AFAP1L1: variants seen among roughly 807,000 people sequenced by gnomAD.
The protein encoded by AFAP1L1 is actin filament-associated protein 1-like 1.
A neutral mutation model predicts 99.8 loss-of-function variants in AFAP1L1; 77 were observed. The observed-to-expected ratio is 0.77, with a 90% CI of 0.64 to 0.93. The LOEUF is 0.93. Among genes scored for constraint, AFAP1L1 ranks in the 40% least tolerant of loss-of-function variants. The probability of loss-of-function intolerance (pLI) is 0.00; values close to 1 mark genes in which losing one functional copy is unlikely to be tolerated. For synonymous variants in AFAP1L1, 373 were observed against 395.3 expected, an observed-to-expected ratio of 0.94 and a Z score of 0.67; for missense variants, 893 against 996.8, an observed-to-expected ratio of 0.90 and a Z score of 1.40.
intron 8 of AFAP1L1, 62 bp downstream of exon 8, chr5:149,310,197 C>A: frequency 6.7e-7 from 1 of 1,486,916 alleles, no homozygotes; most frequent in East Asian, 2.4e-5. Context: ...CAAGCCAGCC[C>A]TCAGTAGAGC....
intron 1 of AFAP1L1, among the ~76,000 whole-genome samples, chr5:149,284,185 G>C (rs78117649): frequency 0.051 from 7,712 of 152,306 alleles, 223 homozygotes; most frequent in Middle Eastern, 0.082. Context: ...GGGCCTCCAT[G>C]TCCTTCCAAA....
rs1345651321 is a variant in AFAP1L1 at position 149,341,612 on chromosome 5, C to T, written c.*1582C>T. 6.6e-6 allele frequency: 1 copy of T among 152,188 alleles called. No individual in the cohort carries two copies. Among genetic ancestry groups the T allele is most frequent in the Admixed American group, 6.5e-5 (1 of 15,274 alleles). 9.4% of individuals were successfully genotyped at this position (152,188 alleles called of 1,614,324 possible). A position where few individuals can be genotyped will look rare whatever the true frequency, so the allele number is the denominator to read the frequency against. ...CTCAGTCAATAGTGGCTCTCATTAG[C>T]CAGGCATGGTGGTACTCGCCTGTAG... On this transcript the variant is annotated 3_prime_UTR_variant, in exon 19 of 19. Coordinates refer to ENST00000296721, the MANE Select transcript of AFAP1L1 (RefSeq NM_152406.4).
chr5:149,283,415 AT>A (rs1341214485), intron 1 of AFAP1L1, among the ~76,000 whole-genome samples: 7 of 151,906 alleles, frequency 4.6e-5, no homozygotes, highest in East Asian at 1.9e-4. Context: ...GTTTTGGAGA[AT>A]TTTTTTTTCT....
intron 1 of AFAP1L1, among the ~76,000 whole-genome samples, chr5:149,291,503 C>T (rs569131667): frequency 1.8e-5 from 2 of 110,802 alleles, no homozygotes; most frequent in Non-Finnish European, 3.3e-5. Context: ...TCCAGCCGGA[C>T]AACAGAGCGT....
rs758979101 is a variant in AFAP1L1 at position 149,332,764 on chromosome 5, G to A, written c.2045G>A (p.Arg682His). 1.6e-5 allele frequency: 26 copies of A among 1,613,648 alleles called. No individual in the cohort carries two copies. Among genetic ancestry groups the A allele is most frequent in the South Asian group, 4.4e-5 (4 of 91,064 alleles). ...LEAQCRAKEE[R>H]RIDLELKLVA... ...GCTCAGTGTCGGGCAAAGGAGGAGC[G>A]CCGGATTGACCTGGAGCTGAAGCTG... Residue 682 changes from arginine to histidine, a missense_variant, in exon 17 of 19, where the codon CGC (arginine) becomes CAC (histidine). Transcript: ENST00000296721.
chr5:149,303,629 A>G (rs1561670279), intron 5 of AFAP1L1, among the ~76,000 whole-genome samples: 2 of 152,212 alleles, frequency 1.3e-5, no homozygotes, highest in Admixed American at 1.3e-4. Flanking sequence ...GAAAATGTCA[A>G]ACACAAAATA....
chr5:149,318,165 T>C (rs1756853491), intron 12 of AFAP1L1, among the ~76,000 whole-genome samples: 1 of 152,212 alleles, frequency 6.6e-6, no homozygotes, highest in Non-Finnish European at 1.5e-5. Context: ...TGAAATGTTT[T>C]CATAATAAAA....
chr5:149,320,743 C>A lies in AFAP1L1; in HGVS notation c.1698+280C>A, dbSNP rs1031414528. 2.0e-5 allele frequency among the ~76,000 whole-genome samples: 3 copies of A among 152,182 alleles called. No individual in the cohort carries two copies. Among genetic ancestry groups the A allele is most frequent in the Non-Finnish European group, 4.4e-5 (3 of 68,036 alleles). On this transcript the variant is annotated intron_variant, in intron 14 of 18. Coordinates refer to ENST00000296721, the MANE Select transcript of AFAP1L1 (RefSeq NM_152406.4). This position sits in a 1 kb window ranked among gnomAD's most constrained non-coding sequence, Gnocchi z 4.0. ...GGTGAGGCATCGTCTCCGGTTTGAG[C>A]AAGTTGCTGGGGCCCTCCTCCTGTT...
In AFAP1L1 at chr5:149,340,773, G is replaced by A. The variant is rs1249052671; in HGVS notation, c.*743G>A. ...AGTGACAGGAGCACAGAGCTCTAAT[G>A]TCCACAGGATGTTGTAGGGTAGGGT... On this transcript the variant is annotated 3_prime_UTR_variant, in exon 19 of 19. Transcript: ENST00000296721. 1.3e-5 allele frequency: 2 copies of A among 152,326 alleles called. No individual in the cohort carries two copies. Among genetic ancestry groups the A allele is most frequent in the African/African-American group, 4.8e-5 (2 of 41,576 alleles). The allele number at this position is 152,326 out of a possible 1,614,324, so 9.4% of individuals were successfully genotyped here.
Position 149,316,292 on chromosome 5 carries a change from T to C in AFAP1L1, c.1256T>C (p.Val419Ala). ...CAGACGTCCTCCACCGAGGAGGAGG[T>C]TCCCTGCTGTGGTGGGTCCAGGGCA... is the stretch of plus-strand genomic sequence containing the variant. Reference protein sequence around the residue: ...DLQTSSTEEEVPCCGYLNVLV... With the variant: ...DLQTSSTEEEAPCCGYLNVLV... The change falls in exon 11 of 19, where the codon GTT (valine) becomes GCT (alanine). Residue 419 changes from valine to alanine, a missense_variant. Transcript: ENST00000296721. 6.2e-7 allele frequency: 1 copy of C among 1,611,786 alleles called. No individual in the cohort carries two copies. The highest frequency in any genetic ancestry group is 8.5e-7 in the Non-Finnish European group (1 of 1,179,452).
At chr5:149,332,608 G>A in intron 16 of AFAP1L1, 87 bp from the exon 17 acceptor site, 1 of 1,422,290 alleles carries the variant, frequency 7.0e-7, no homozygotes, top group South Asian at 1.4e-5. Context: ...CCCTCTAGGA[G>A]GGGCAGACAA....
rs1757557934 is a variant in AFAP1L1, at chr5:149,341,396, G to A, written c.*1366G>A. On this transcript the variant is annotated 3_prime_UTR_variant, in exon 19 of 19. Transcript: ENST00000296721. ...GGTTATAAGCCCAGATCCAGATAGG[G>A]CTAGGTTTGAGCCATGCCTCTAATG... The A allele has an allele frequency of 6.6e-6, 1 of 152,168 alleles. No individual in the cohort carries two copies. Among genetic ancestry groups the A allele is most frequent in the Non-Finnish European group, 1.5e-5 (1 of 68,042 alleles). The allele number at this position is 152,168 out of a possible 1,614,324, so 9.4% of individuals were successfully genotyped here.
intron 15 of AFAP1L1, among the ~76,000 whole-genome samples, chr5:149,327,854 GAGAC>G (rs1383289618): frequency 1.3e-5 from 2 of 152,016 alleles, no homozygotes; most frequent in African/African-American, 4.8e-5. Context: ...AAGAGAGAGA[GAGAC>G]AGACAGATGA....
intron 7 of AFAP1L1, 133 bp downstream of exon 7, chr5:149,307,746 A>G: frequency 2.3e-6 from 2 of 879,954 alleles, no homozygotes; most frequent in Non-Finnish European, 3.5e-6. Flanking sequence ...CAAAGGCCCC[A>G]TGCTCCCAAG....
intron 1 of AFAP1L1, among the ~76,000 whole-genome samples, chr5:149,289,219 T>A (rs1050582173): frequency 5.9e-5 from 9 of 152,174 alleles, no homozygotes; most frequent in Non-Finnish European, 1.0e-4. Context: ...CCCAAATTCT[T>A]CCCACTATTT....
At chr5:149,333,146 T>C (rs1757306039) in intron 17 of AFAP1L1, among the ~76,000 whole-genome samples, 1 of 152,240 alleles carries the variant, frequency 6.6e-6, no homozygotes. Context: ...GAAATGGCCT[T>C]GGAGTTATTG....
At chr5:149,294,357 G>A (rs971003716) in intron 1 of AFAP1L1, among the ~76,000 whole-genome samples, 1 of 152,104 alleles carries the variant, frequency 6.6e-6, no homozygotes, top group African/African-American at 2.4e-5. Flanking sequence ...ATACCCATAC[G>A]ACCTCTCCAA....
At chr5:149,286,034 G>T (rs1035626234) in intron 1 of AFAP1L1, among the ~76,000 whole-genome samples, 4 of 152,138 alleles carry the variant, frequency 2.6e-5, no homozygotes, top group Admixed American at 2.0e-4. Context: ...CTACTCTGGC[G>T]CATAGAACAG....
intron 1 of AFAP1L1, among the ~76,000 whole-genome samples, chr5:149,298,469 ACCT>A (rs1756084625): frequency 1.3e-5 from 2 of 152,126 alleles, no homozygotes; most frequent in Non-Finnish European, 2.9e-5. Flanking sequence ...AAGGTATTTA[ACCT>A]CCTGGAGCTT....
Sources: gnomAD v4.1 joint callset for allele counts (sites outside exome capture counted in the v4.1 genomes callset) on GRCh38, gnomAD v4.1.1 for gene constraint, Gnocchi (gnomAD v3.1) non-coding constraint, MANE v1.5 for transcripts, NCBI Gene and HGNC (gene_info 2026-07-23, HGNC 2026-07-21) for gene names.